DNAH17: variants seen among roughly 807,000 people sequenced by gnomAD.
DNAH17 encodes dynein axonemal heavy chain 17, also known as axonemal beta dynein heavy chain 17.
Under a neutral mutation model 485.6 loss-of-function variants are expected in DNAH17, and 376 were observed. The observed-to-expected ratio is 0.77, with a 90% CI of 0.71 to 0.84. The LOEUF (loss-of-function observed/expected upper bound fraction) is 0.84, where lower values mean the gene tolerates loss of function less well. Ranked by LOEUF, DNAH17 falls within the 40% of genes least tolerant of loss-of-function variation. The pLI is 0.00. For synonymous variants in DNAH17, 3,031 were observed against 2,405.9 expected (o/e 1.26, Z -7.60); for missense variants, 6,370 against 5,839.3 (o/e 1.09, Z -2.96).
intron 22 of DNAH17, among the ~76,000 whole-genome samples, 149 bp downstream of exon 22, chr17:78,529,313 CCTCCTCCCTG>C (rs1299180963): frequency 6.6e-6 from 1 of 152,190 alleles, no homozygotes; most frequent in Non-Finnish European, 1.5e-5. Flanking sequence ...CCCCCAGAAA[CCTCCTCCCTG>C]CACCTCCCTG....
intron 26 of DNAH17, among the ~76,000 whole-genome samples, chr17:78,513,103 C>A (rs547942655): frequency 4.0e-4 from 61 of 151,998 alleles, no homozygotes; most frequent in African/African-American, 1.4e-3. Context: ...TTGAATGAAC[C>A]CCCCCTCTGC....
At position 78,551,595 on chromosome 17, in the gene DNAH17, G is replaced by C; in HGVS notation, c.2331C>G (p.Asn777Lys). Residue 777 changes from asparagine to lysine, a missense_variant, in exon 16 of 81, where the codon AAC becomes AAG. By Grantham distance (94) the Asn-to-Lys change is moderately conservative. Transcript: ENST00000389840. ...TTGCCTTTTGCATCCTGTTCTGCAA[G>C]TTGTGCAGAATTTCTCGCACCTCTT... is the stretch of plus-strand genomic sequence containing the variant. ...YIQEVREILH[N>K]LQNRMQKAKQ... 1 of 1,614,040 alleles carries C rather than the reference G, an allele frequency of 6.2e-7. No individual in the cohort carries two copies. Among genetic ancestry groups the C allele is most frequent in the South Asian group, 1.1e-5 (1 of 91,082 alleles).
At chr17:78,526,468 G>A (rs777342355) in intron 24 of DNAH17, among the ~76,000 whole-genome samples, 183 bp downstream of exon 24, 1 of 152,258 alleles carries the variant, frequency 6.6e-6, no homozygotes, top group East Asian at 1.9e-4. Flanking sequence ...GCATGTTCAC[G>A]TACACACCCA....
chr17:78,445,067 C>T lies in DNAH17; in HGVS notation c.11335-270G>A, dbSNP rs564451950. Among the ~76,000 whole-genome samples, 4 of 152,300 alleles carry T rather than the reference C, an allele frequency of 2.6e-5. No individual in the cohort carries two copies. The South Asian group carries it at 8.3e-4, about 32-fold the overall frequency. Reference sequence around the variant, plus strand: ...CTAGGGGCTGCTTCTCTAGGGGTCTCTGCAAATGGGGCCATTCTAGCTCAG... The same window carrying T: ...CTAGGGGCTGCTTCTCTAGGGGTCTTTGCAAATGGGGCCATTCTAGCTCAG... On this transcript the variant is annotated intron_variant, in intron 70 of 80. Coordinates refer to ENST00000389840, the MANE Select transcript of DNAH17 (RefSeq NM_173628.4).
At chr17:78,490,615 A>C (rs2089806604) in intron 44 of DNAH17, 84 bp downstream of exon 44, 1 of 1,492,524 alleles carries the variant, frequency 6.7e-7, no homozygotes, top group Admixed American at 2.1e-5. Context: ...ATGAATGATG[A>C]ATGAATATGC....
chr17:78,459,767 G>A lies in DNAH17; in HGVS notation c.9653+17C>T, dbSNP rs761804876. 1.2e-6 allele frequency: 2 copies of A among 1,613,460 alleles called. No homozygotes were observed. Among genetic ancestry groups the A allele is most frequent in the South Asian group, 1.1e-5 (1 of 91,032 alleles). On this transcript the variant is annotated intron_variant, in intron 60 of 80. Coordinates refer to ENST00000389840, the MANE Select transcript of DNAH17 (RefSeq NM_173628.4). Reference sequence around the variant, plus strand: ...ATCGGAGGGAAGCCCCGGCTACGAGGCCCAGCCCCGACTCACTTGAAGGCC... The same window carrying A: ...ATCGGAGGGAAGCCCCGGCTACGAGACCCAGCCCCGACTCACTTGAAGGCC...
At chr17:78,519,632 G>T (rs2090883972) in intron 25 of DNAH17, among the ~76,000 whole-genome samples, 2 of 152,208 alleles carry the variant, frequency 1.3e-5, no homozygotes, top group South Asian at 2.1e-4. Context: ...CCATCTAGAG[G>T]ATAGTATGGA....
chr17:78,549,811 C>T (rs959423183), intron 16 of DNAH17, among the ~76,000 whole-genome samples: 6 of 152,146 alleles, frequency 3.9e-5, no homozygotes, highest in South Asian at 2.1e-4. Context: ...CGCTCCCCAC[C>T]GCCCAGAGCC....
At chr17:78,427,947 C>T (rs547679495) in intron 77 of DNAH17, among the ~76,000 whole-genome samples, 15 of 120,270 alleles carry the variant, frequency 1.2e-4, no homozygotes, top group Admixed American at 3.5e-4. Context: ...GCCTGGGCAA[C>T]GAGAGCAAAA....
Position 78,495,106 on chromosome 17 carries a change from G to GTC in DNAH17, c.5904-11_5904-10dup, listed in dbSNP as rs781682166. ...CGACCATGGCACAGGGCCTGGGGAG[G>GTC]TCAGCGGTGCCTGTGGGCTTCTGCC... is the stretch of plus-strand genomic sequence containing the variant. On this transcript the variant is annotated splice_polypyrimidine_tract_variant and intron_variant, in intron 38 of 80. Transcript: ENST00000389840. 2 of 1,596,812 alleles carry GTC rather than the reference G, an allele frequency of 1.3e-6. No homozygotes were observed. The highest frequency in any genetic ancestry group is 2.3e-5 in the South Asian group (2 of 88,640).
At chr17:78,460,088 C>A in intron 59 of DNAH17, 74 bp downstream of exon 59, 1 of 1,584,442 alleles carries the variant, frequency 6.3e-7, no homozygotes, top group South Asian at 1.1e-5. Flanking sequence ...AGTGTGTCAC[C>A]ACCCACGCCA....
At position 78,476,508 on chromosome 17, in the gene DNAH17, G is replaced by C. The variant is rs934279888; in HGVS notation, c.8154+64C>G. On this transcript the variant is annotated intron_variant, in intron 52 of 80. Coordinates refer to ENST00000389840, the MANE Select transcript of DNAH17 (RefSeq NM_173628.4). ...GAGAGGGCTGCAGTTCTCATTGGCC[G>C]CCGACACTCCACCCTCCTGGAGCCA... is the stretch of plus-strand genomic sequence containing the variant. 7.2e-5 allele frequency: 110 copies of C among 1,527,046 alleles called. 1 individual carries two copies. The highest frequency in any genetic ancestry group is 9.4e-5 in the Non-Finnish European group (107 of 1,132,756). 94.6% of individuals were successfully genotyped at this position (1,527,046 alleles called of 1,614,324 possible). A position where few individuals can be genotyped will look rare whatever the true frequency, so the allele number is the denominator to read the frequency against.
In DNAH17 at chr17:78,486,012, G is replaced by C. The variant is rs1032525270; in HGVS notation, c.7223C>G (p.Pro2408Arg). 6.2e-7 allele frequency: 1 copy of C among 1,613,752 alleles called. No homozygotes were observed. The highest frequency in any genetic ancestry group is 1.3e-5 in the African/African-American group (1 of 74,880). ...AAAGGAGGGCACTTTATCTGTCCAG[G>C]GCAGGAACTTTTTTGTGTCAGGATC... ...YIDPDTKKFL[P>R]WTDKVPSFEL... Residue 2408 changes from proline to arginine, a missense_variant, in exon 46 of 81, where the codon CCC becomes CGC. Transcript: ENST00000389840.
At position 78,451,559 on chromosome 17, in the gene DNAH17, G is replaced by A. The variant is rs753139096; in HGVS notation, c.10644C>T (p.Leu3548=). 46 of 1,613,812 alleles carry A rather than the reference G, an allele frequency of 2.9e-5. No homozygotes were observed. Among genetic ancestry groups the A allele is most frequent in the Non-Finnish European group, 3.7e-5 (44 of 1,179,788 alleles). ...CATCCCTGGTGACCAGGAAGTTGATGAGGGTGCACTGAGCCTGCATCTCTG... is the reference window on the plus strand; with the variant it reads ...CATCCCTGGTGACCAGGAAGTTGATAAGGGTGCACTGAGCCTGCATCTCTG... ...YKPEMQAQCT[L]INFLVTRDGL... is the part of the protein sequence containing the mutation. Residue 3548 remains leucine (L), a synonymous_variant, in exon 66 of 81, where the codon CTC becomes CTT. Coordinates refer to ENST00000389840, the MANE Select transcript of DNAH17 (RefSeq NM_173628.4).
Position 78,542,119 on chromosome 17 carries a change from C to A in DNAH17, c.2532+1738G>T, listed in dbSNP as rs1240254370. The stretch of plus-strand genomic sequence containing the variant: ...ATTTGCACCACCCACTGGAAACCGC[C>A]CCCCCCAAAAACTGCCCTAAAATAC... On this transcript the variant is annotated intron_variant, in intron 17 of 80. Transcript: ENST00000389840. Among the ~76,000 whole-genome samples, 7 of 149,120 alleles carry A rather than the reference C, an allele frequency of 4.7e-5. No individual in the cohort carries two copies. The East Asian group carries it at 5.9e-4, about 13-fold the overall frequency.
chr17:78,514,721 A>G, intron 26 of DNAH17, 53 bp downstream of exon 26: 12 of 1,584,798 alleles, frequency 7.6e-6, no homozygotes, highest in Non-Finnish European at 1.0e-5. Flanking sequence ...CCCATCCTGC[A>G]GCAGAGCTGG....
chr17:78,536,167 C>T (rs868220811), intron 19 of DNAH17, among the ~76,000 whole-genome samples: 9 of 152,056 alleles, frequency 5.9e-5, no homozygotes, highest in Middle Eastern at 3.2e-3. Context: ...AGGCCGGGCA[C>T]GGTGGCTCAC....
chr17:78,465,830 C>T (rs1477174230), intron 56 of DNAH17, among the ~76,000 whole-genome samples: 1 of 148,960 alleles, frequency 6.7e-6, no homozygotes, highest in East Asian at 2.0e-4. Context: ...CCCCGCCCGG[C>T]CAGCCGCCCC....
chr17:78,504,558 A>C (rs949831596), intron 31 of DNAH17, among the ~76,000 whole-genome samples: 2 of 147,390 alleles, frequency 1.4e-5, no homozygotes, highest in Non-Finnish European at 3.0e-5. Flanking sequence ...GGTTTTCTCG[A>C]GATTTTTTTT....
Sources: gnomAD v4.1 joint callset for allele counts (sites outside exome capture counted in the v4.1 genomes callset) on GRCh38, gnomAD v4.1.1 for gene constraint, MANE v1.5 for transcripts, NCBI Gene and HGNC (gene_info 2026-07-23, HGNC 2026-07-21) for gene names.